Variants in GTF2A1L observed in about 807,000 individuals in gnomAD.
GTF2A1L encodes general transcription factor IIA subunit 1 like, also known as TFIIA-alpha and beta-like factor.
A neutral mutation model predicts 49.7 loss-of-function variants in GTF2A1L; 48 were observed. The ratio of observed to expected loss-of-function variants is 0.97; its 90% CI spans 0.77 to 1.23. The LOEUF (loss-of-function observed/expected upper bound fraction) is 1.23, where lower values mean the gene tolerates loss of function less well. GTF2A1L is among the 50% of genes most tolerant of loss of function. The pLI is 0.00. For synonymous variants in GTF2A1L, 246 were observed against 193.5 expected (o/e 1.27, Z -2.25); for missense variants, 736 against 564.8 (o/e 1.30, Z -3.07).
intron 3 of GTF2A1L, among the ~76,000 whole-genome samples, chr2:48,633,860 G>A (rs1453803966): frequency 6.6e-6 from 1 of 151,216 alleles, no homozygotes; most frequent in Non-Finnish European, 1.5e-5. Flanking sequence ...GACTTCTTGT[G>A]GAATTGAATG....
At chr2:48,631,691 T>G (rs2104111224) in intron 3 of GTF2A1L, among the ~76,000 whole-genome samples, 1 of 152,284 alleles carries the variant, frequency 6.6e-6, no homozygotes, top group Admixed American at 6.5e-5. Flanking sequence ...TAGTTATTTC[T>G]TTTCATCTGG....
At chr2:48,627,810 T>A (rs1390975349) in intron 3 of GTF2A1L, among the ~76,000 whole-genome samples, 1 of 143,532 alleles carries the variant, frequency 7.0e-6, no homozygotes, top group African/African-American at 2.5e-5. Context: ...GGGGTACAAA[T>A]GCATAGTACC....
Position 48,629,388 on chromosome 2 carries a change from T to C in GTF2A1L, c.247+8098T>C, listed in dbSNP as rs1427026800. On this transcript the variant is annotated intron_variant, in intron 3 of 8. Coordinates refer to ENST00000403751, the MANE Select transcript of GTF2A1L (RefSeq NM_006872.5). ...TATGGAAGGCATGTAAGAATTGTACTGAGTACAACGTCTGTGTGTCTTGTT... is the reference window on the plus strand; with the variant it reads ...TATGGAAGGCATGTAAGAATTGTACCGAGTACAACGTCTGTGTGTCTTGTT... Among the ~76,000 whole-genome samples, 2 of 144,716 alleles carry C rather than the reference T, an allele frequency of 1.4e-5. 1 individual carries two copies. The highest frequency in any genetic ancestry group is 3.1e-5 in the Non-Finnish European group (2 of 64,148). 94.9% of individuals were successfully genotyped at this position (144,716 alleles called of 152,430 possible). A position where few individuals can be genotyped will look rare whatever the true frequency, so the allele number is the denominator to read the frequency against.
intron 6 of GTF2A1L, among the ~76,000 whole-genome samples, chr2:48,662,643 T>C (rs1380611338): frequency 6.8e-6 from 1 of 147,158 alleles, no homozygotes; most frequent in Non-Finnish European, 1.5e-5. Context: ...TACAGAAATC[T>C]TGGTTGATCT....
intron 7 of GTF2A1L, 138 bp from the exon 8 acceptor site, chr2:48,671,453 C>T (rs1260173052): frequency 5.3e-6 from 4 of 756,692 alleles, no homozygotes; most frequent in East Asian, 5.8e-5. Context: ...ATCTGCCTGC[C>T]TAGGCCTCCC....
At position 48,663,505 on chromosome 2, in the gene GTF2A1L, T is replaced by C. The variant is rs568108715; in HGVS notation, c.979-6217T>C. Among the ~76,000 whole-genome samples, 73 of 152,296 alleles carry C rather than the reference T, an allele frequency of 4.8e-4. 1 individual carries two copies. Among genetic ancestry groups the C allele is most frequent in the Non-Finnish European group, 8.8e-5 (6 of 68,026 alleles). On this transcript the variant is annotated intron_variant, in intron 6 of 8. Transcript: ENST00000403751. ...CCTTCAAATATGTTTATTTTACTTG[T>C]CCTAAAACAATGTCCCTAGAAGTAT...
intron 5 of GTF2A1L, 110 bp downstream of exon 5, chr2:48,645,227 T>C (rs1415490147): frequency 1.0e-6 from 1 of 1,003,748 alleles, no homozygotes; most frequent in Non-Finnish European, 1.4e-6. Context: ...TAAGAACTTT[T>C]AATAAAATTG....
intron 6 of GTF2A1L, among the ~76,000 whole-genome samples, chr2:48,662,934 A>G (rs1678599560): frequency 6.6e-6 from 1 of 151,960 alleles, no homozygotes; most frequent in African/African-American, 2.4e-5. Flanking sequence ...GAGGAGGGAG[A>G]CGATCAGAAA....
intron 6 of GTF2A1L, among the ~76,000 whole-genome samples, chr2:48,661,374 C>T (rs1468596596): frequency 6.6e-6 from 1 of 150,590 alleles, no homozygotes; most frequent in Non-Finnish European, 1.5e-5. Flanking sequence ...CTGCCTCAGC[C>T]TCCTGAGTAG....
In GTF2A1L at chr2:48,646,472, T is replaced by C. The variant is rs1447131388; in HGVS notation, c.408T>C (p.Asn136=). ...TTTAAGGTCACCTTTATAAAGTCAATGTACCAATTATGGTGACAGAGACTT... is the reference window on the plus strand; with the variant it reads ...TTTAAGGTCACCTTTATAAAGTCAACGTACCAATTATGGTGACAGAGACTT... ...QTVSGHLYKV[N]VPIMVTETSG... The change falls in exon 6 of 9, where the codon AAT becomes AAC. Residue 136 remains asparagine, a synonymous_variant. Transcript: ENST00000403751. 4 of 1,609,194 alleles carry C rather than the reference T, an allele frequency of 2.5e-6. No individual in the cohort carries two copies. The highest frequency in any genetic ancestry group is 1.7e-4 in the Middle Eastern group (1 of 6,006).
At chr2:48,631,406 G>A (rs1676563569) in intron 3 of GTF2A1L, among the ~76,000 whole-genome samples, 1 of 152,064 alleles carries the variant, frequency 6.6e-6, no homozygotes, top group Non-Finnish European at 1.5e-5. Flanking sequence ...TCTAGTTTGT[G>A]TATGTAGAGG....
intron 2 of GTF2A1L, 60 bp from the exon 3 acceptor site, chr2:48,621,107 G>C (rs986614892): frequency 1.3e-6 from 2 of 1,545,948 alleles, no homozygotes; most frequent in Non-Finnish European, 1.7e-6. Flanking sequence ...GAAAAAAAGA[G>C]AAGTATCATT....
intron 3 of GTF2A1L, among the ~76,000 whole-genome samples, chr2:48,640,549 C>T (rs1473585663): frequency 6.6e-6 from 1 of 151,980 alleles, no homozygotes; most frequent in Non-Finnish European, 1.5e-5. Flanking sequence ...TGGGCGGGGG[C>T]AGAGGAGTAG....
chr2:48,637,649 G>A (rs1307777790), intron 3 of GTF2A1L, among the ~76,000 whole-genome samples: 7 of 151,978 alleles, frequency 4.6e-5, no homozygotes, highest in Non-Finnish European at 8.8e-5. Flanking sequence ...GGAAATCAGG[G>A]CACAAAAAAC....
chr2:48,668,406 T>C (rs1184945445), intron 6 of GTF2A1L, among the ~76,000 whole-genome samples: 2 of 152,214 alleles, frequency 1.3e-5, no homozygotes, highest in African/African-American at 2.4e-5. Context: ...ACTACTGCTA[T>C]AGATTCTGAA....
At chr2:48,630,367 T>G (rs891443725) in intron 3 of GTF2A1L, among the ~76,000 whole-genome samples, 3 of 142,900 alleles carry the variant, frequency 2.1e-5, no homozygotes, top group African/African-American at 7.4e-5. Context: ...GTATTTTATT[T>G]TTGTGTGTGG....
At chr2:48,662,462 G>C (rs1292067296) in intron 6 of GTF2A1L, among the ~76,000 whole-genome samples, 1 of 151,748 alleles carries the variant, frequency 6.6e-6, no homozygotes, top group East Asian at 1.9e-4. Flanking sequence ...GAATTCCCTT[G>C]GTTTTTATCT....
chr2:48,651,695 T>A (rs1365304727), intron 6 of GTF2A1L, among the ~76,000 whole-genome samples: 2 of 152,186 alleles, frequency 1.3e-5, no homozygotes, highest in Admixed American at 6.5e-5. Flanking sequence ...TTTGAATTAT[T>A]GTGTTTCCCA....
intron 6 of GTF2A1L, among the ~76,000 whole-genome samples, chr2:48,665,535 T>G (rs1462597415): frequency 6.6e-6 from 1 of 152,160 alleles, no homozygotes; most frequent in African/African-American, 2.4e-5. Flanking sequence ...TGCATTCAAT[T>G]AAAATTATTT....
Sources: allele counts gnomAD v4.1 joint callset (sites outside exome capture counted in the v4.1 genomes callset), GRCh38; gene constraint gnomAD v4.1.1; transcripts MANE v1.5; gene names NCBI Gene and HGNC (gene_info 2026-07-23, HGNC 2026-07-21).